The following CHRNB3 variants were observed in gnomAD, a reference collection of about 807,000 sequenced individuals.
CHRNB3 encodes the protein cholinergic receptor nicotinic beta 3 subunit.
In CHRNB3, 37 loss-of-function variants were observed where a neutral mutation model predicts 40.6. The ratio of observed to expected loss-of-function variants is 0.91; its 90% CI spans 0.70 to 1.20. The LOEUF is 1.20. CHRNB3 is among the 50% of genes most tolerant of loss of function. CHRNB3 has a pLI of 0.00. For missense variants in CHRNB3, 505 were observed against 551.2 expected (o/e 0.92, Z 0.84); for synonymous variants, 207 against 207.1 (o/e 1.00, Z 0.00).
intron 3 of CHRNB3, among the ~76,000 whole-genome samples, chr8:42,724,400 T>A (rs1361893427): frequency 6.6e-6 from 1 of 152,310 alleles, no homozygotes; most frequent in East Asian, 1.9e-4. Context: ...TCAGTAATTT[T>A]TTTTTTGGAA....
intron 5 of CHRNB3, among the ~76,000 whole-genome samples, chr8:42,732,972 T>C (rs1816456036): frequency 6.6e-6 from 1 of 152,098 alleles, no homozygotes; most frequent in Non-Finnish European, 1.5e-5. Context: ...ATATAAAATG[T>C]AGTGTTACAA....
intron 3 of CHRNB3, chr8:42,725,961 A>G (rs1483356602): frequency 1.6e-5 from 18 of 1,106,316 alleles, no homozygotes; most frequent in Non-Finnish European, 2.0e-5. Context: ...CGATGCGTAC[A>G]ACAAAGGCCA....
At chr8:42,731,327 G>T (rs184947815) in intron 4 of CHRNB3, among the ~76,000 whole-genome samples, 9 of 152,166 alleles carry the variant, frequency 5.9e-5, no homozygotes, top group African/African-American at 2.2e-4. Context: ...AGGCCGAGGC[G>T]GGCAATTCAT....
intron 3 of CHRNB3, among the ~76,000 whole-genome samples, chr8:42,720,111 C>CTTTTTTTTTTTTTTTTTTTTTTTT (rs869178430): frequency 2.1e-5 from 1 of 48,746 alleles, no homozygotes; most frequent in Non-Finnish European, 3.6e-5. Flanking sequence ...CAGAAGCCTT[C>CTTTTTTTTTTTTTTTTTTTTTTTT]TTTTTTTTTT....
rs565726267 is a variant in CHRNB3 at position 42,725,295 on chromosome 8, G to A, written c.250-5299G>A. ...AGTAGAGATGGGGTTTCTCCATGTT[G>A]GTCAGGCTGGTCTCAAACTCCTGAC... On this transcript the variant is annotated intron_variant, in intron 3 of 5. Coordinates refer to ENST00000289957, the MANE Select transcript of CHRNB3 (RefSeq NM_000749.5). Among the ~76,000 whole-genome samples the A allele has an allele frequency of 2.7e-3, 407 of 151,792 alleles. 5 individuals are homozygous for A. Among genetic ancestry groups the A allele is most frequent in the African/African-American group, 9.5e-3 (394 of 41,390 alleles).
At chr8:42,699,845 C>G (rs1815748995) in intron 1 of CHRNB3, among the ~76,000 whole-genome samples, 1 of 149,858 alleles carries the variant, frequency 6.7e-6, no homozygotes, top group Non-Finnish European at 1.5e-5. Flanking sequence ...GGGCTAGCTC[C>G]ATGGGTGACG....
At chr8:42,707,696 T>G (rs528338117) in intron 1 of CHRNB3, among the ~76,000 whole-genome samples, 1 of 152,324 alleles carries the variant, frequency 6.6e-6, no homozygotes, top group Admixed American at 6.5e-5. Context: ...TCTGAGGTTC[T>G]CACATAGTGA....
chr8:42,725,602 A>C, intron 3 of CHRNB3: 1 of 1,142,904 alleles, frequency 8.7e-7, no homozygotes, highest in Non-Finnish European at 1.3e-6. Context: ...AGGTATGCCC[A>C]TCTCCTTGAG....
intron 3 of CHRNB3, among the ~76,000 whole-genome samples, chr8:42,729,478 C>A (rs1170692008): frequency 6.6e-6 from 1 of 151,994 alleles, no homozygotes; most frequent in Admixed American, 6.6e-5. Context: ...TTTTAAAGGC[C>A]CATACATCTT....
chr8:42,732,236 C>A lies in CHRNB3; in HGVS notation c.929C>A (p.Ser310Tyr). 1 of 1,611,854 alleles carries A rather than the reference C, an allele frequency of 6.2e-7. No homozygotes were observed. The highest frequency in any genetic ancestry group is 1.1e-5 in the South Asian group (1 of 90,572). ...LLFIMIFVTLSIIVTVFVINV... is the reference protein window; with the variant it reads ...LLFIMIFVTLYIIVTVFVINV... ...TTCATCATGATTTTTGTGACCCTGTCCATCATTGTTACCGTGTTTGTCATT... is the reference window on the plus strand; with the variant it reads ...TTCATCATGATTTTTGTGACCCTGTACATCATTGTTACCGTGTTTGTCATT... Residue 310 changes from serine (S) to tyrosine (Y), a missense_variant, in exon 5 of 6, where the codon TCC becomes TAC. By Grantham distance (144) the Ser-to-Tyr change is moderately radical. Transcript: ENST00000289957.
At chr8:42,715,586 C>T (rs777453213) in intron 3 of CHRNB3, among the ~76,000 whole-genome samples, 5 of 152,116 alleles carry the variant, frequency 3.3e-5, no homozygotes, top group Non-Finnish European at 5.9e-5. Flanking sequence ...GTAGCGCATG[C>T]AAATGAGATA....
chr8:42,725,167 G>A lies in CHRNB3; in HGVS notation c.250-5427G>A, dbSNP rs569340084. ...TGCAATGGCGCAATCTTGGCTCACC[G>A]CAACCTCCACCTCCAGGGTTCTAGC... On this transcript the variant is annotated intron_variant, in intron 3 of 5. Coordinates refer to ENST00000289957, the MANE Select transcript of CHRNB3 (RefSeq NM_000749.5). Among the ~76,000 whole-genome samples the A allele has an allele frequency of 8.7e-5, 12 of 138,514 alleles. No individual in the cohort carries two copies. The South Asian group carries it at 2.0e-3, about 23-fold the overall frequency. The allele number at this position is 138,514 out of a possible 152,430, so 90.9% of individuals were successfully genotyped here.
chr8:42,722,917 A>T (rs75977033), intron 3 of CHRNB3, among the ~76,000 whole-genome samples: 8,675 of 151,966 alleles, frequency 0.057, 322 homozygotes, highest in Middle Eastern at 0.11. Flanking sequence ...TGTTACTTAT[A>T]TATTTTACTA....
intron 1 of CHRNB3, among the ~76,000 whole-genome samples, chr8:42,699,809 A>C (rs1052435782): frequency 3.3e-5 from 5 of 151,930 alleles, no homozygotes; most frequent in African/African-American, 9.7e-5. Flanking sequence ...AATCCATTGA[A>C]TATGCATTCT....
chr8:42,700,160 C>T (rs1281851064), intron 1 of CHRNB3, among the ~76,000 whole-genome samples: 2 of 151,856 alleles, frequency 1.3e-5, no homozygotes, highest in African/African-American at 2.4e-5. Flanking sequence ...ACTACAGGTG[C>T]CCACCACCAC....
At chr8:42,720,155 T>G (rs1432712099) in intron 3 of CHRNB3, among the ~76,000 whole-genome samples, 14 of 127,240 alleles carry the variant, frequency 1.1e-4, no homozygotes, top group Non-Finnish European at 3.2e-5. Context: ...TGAGATGGAG[T>G]CTTGCTCTGT....
At chr8:42,711,289 G>A (rs1037572134) in intron 3 of CHRNB3, among the ~76,000 whole-genome samples, 3 of 151,978 alleles carry the variant, frequency 2.0e-5, no homozygotes, top group Non-Finnish European at 4.4e-5. Flanking sequence ...CAGCCTGGGT[G>A]ACAGAGCAAG....
At position 42,708,824 on chromosome 8, in the gene CHRNB3, A is replaced by G. The variant is rs749412332; in HGVS notation, c.160A>G (p.Ile54Val). 1 of 1,613,988 alleles carries G rather than the reference A, an allele frequency of 6.2e-7. No individual in the cohort carries two copies. Among genetic ancestry groups the G allele is most frequent in the Admixed American group, 1.7e-5 (1 of 59,986 alleles). ...CCCTGTATTACATTCTAATGACACC[A>G]TAAAAGTATATTTTGGATTGAAAAT... ...VRPVLHSNDTIKVYFGLKISQ... is the reference protein window; with the variant it reads ...VRPVLHSNDTVKVYFGLKISQ... The change falls in exon 2 of 6, where the codon ATA (isoleucine) becomes GTA (valine). Residue 54 changes from isoleucine (I) to valine (V), a missense_variant. Ile to Val is a conservative substitution (Grantham distance 29, BLOSUM62 3). Coordinates refer to ENST00000289957, the MANE Select transcript of CHRNB3 (RefSeq NM_000749.5).
At chr8:42,728,703 G>C (rs1007756453) in intron 3 of CHRNB3, among the ~76,000 whole-genome samples, 1 of 152,054 alleles carries the variant, frequency 6.6e-6, no homozygotes, top group Non-Finnish European at 1.5e-5. Flanking sequence ...AATGCAGGAG[G>C]GGTTGATTAC....
Sources: gnomAD v4.1 joint callset for allele counts (sites outside exome capture counted in the v4.1 genomes callset) on GRCh38, gnomAD v4.1.1 for gene constraint, MANE v1.5 for transcripts, NCBI Gene and HGNC (gene_info 2026-07-23, HGNC 2026-07-21) for gene names.